Variants in VRK2 observed in about 807,000 individuals in gnomAD.
VRK2 encodes the protein serine/threonine-protein kinase VRK2.
A neutral mutation model predicts 57.6 loss-of-function variants in VRK2; 60 were observed. The observed-to-expected ratio is 1.04, with a 90% confidence interval of 0.85 to 1.29. The LOEUF (loss-of-function observed/expected upper bound fraction) is 1.29. VRK2 is among the 50% of genes most tolerant of loss of function. The probability of loss-of-function intolerance (pLI) is 0.00; values close to 1 mark genes in which losing one functional copy is unlikely to be tolerated. For missense variants in VRK2, 705 were observed against 588.1 expected, an observed-to-expected ratio of 1.20 and a Z score of -2.06; for synonymous variants, 231 against 199.2, an observed-to-expected ratio of 1.16 and a Z score of -1.35.
chr2:58,147,883 GTATAAC>G lies in VRK2; in HGVS notation c.1182+1414_1182+1419del, dbSNP rs1157747783. Among the ~76,000 whole-genome samples the G allele has an allele frequency of 2.7e-5, 4 of 145,794 alleles. No individual in the cohort carries two copies. The Admixed American group carries it at 2.8e-4, about 10-fold the overall frequency. ...TTCCATTGCTGAACAGCACTCCATT[GTATAAC>G]TATATCATAGTTCACATGTCCATTG... On this transcript the variant is annotated intron_variant, in intron 12 of 12. Transcript: ENST00000340157.
chr2:58,137,365 A>C (rs1225222062), intron 10 of VRK2, among the ~76,000 whole-genome samples: 1 of 151,264 alleles, frequency 6.6e-6, no homozygotes, highest in African/African-American at 2.4e-5. Context: ...TGAATTGTAC[A>C]AGACAAATGC....
intron 1 of VRK2, among the ~76,000 whole-genome samples, chr2:57,994,915 G>C (rs968144466): frequency 8.5e-5 from 13 of 152,176 alleles, no homozygotes; most frequent in African/African-American, 2.6e-4. Flanking sequence ...TTAATGTCTA[G>C]TTTAGTAAAG....
rs149613177 is a variant in VRK2, at chr2:57,981,996, G to A, written c.-438-43669G>A. Among the ~76,000 whole-genome samples, 259 of 152,300 alleles carry A rather than the reference G, an allele frequency of 1.7e-3. 1 individual carries two copies. Among genetic ancestry groups the A allele is most frequent in the African/African-American group, 6.0e-3 (248 of 41,568 alleles). On this transcript the variant is annotated intron_variant, in intron 1 of 15. Coordinates refer to the VRK2 transcript ENST00000417641. ...TTATCAGAGTTCTTGCACTGGTTCC[G>A]TCTCATCTGTGTGGGCTGATGTTCC... is the stretch of plus-strand genomic sequence containing the variant.
At chr2:58,009,229 T>G (rs1328490964) in intron 1 of VRK2, among the ~76,000 whole-genome samples, 1 of 152,054 alleles carries the variant, frequency 6.6e-6, no homozygotes, top group Non-Finnish European at 1.5e-5. Context: ...AATTCCATGA[T>G]TAGGAAAATA....
intron 7 of VRK2, among the ~76,000 whole-genome samples, chr2:58,089,991 T>C (rs894595307): frequency 2.0e-5 from 3 of 152,120 alleles, no homozygotes; most frequent in Non-Finnish European, 4.4e-5. Flanking sequence ...TCTGAGCAAA[T>C]ATAGATAAGC....
At chr2:58,064,032 G>T (rs1186520824) in intron 2 of VRK2, among the ~76,000 whole-genome samples, 2 of 152,194 alleles carry the variant, frequency 1.3e-5, no homozygotes, top group East Asian at 3.9e-4. Context: ...AGATGTGACT[G>T]AACTGCTCAA....
At chr2:58,014,844 G>C (rs186204667) in intron 1 of VRK2, among the ~76,000 whole-genome samples, 2 of 152,196 alleles carry the variant, frequency 1.3e-5, no homozygotes, top group African/African-American at 4.8e-5. Flanking sequence ...TGTAGGTGTA[G>C]ATCTGCAGTA....
intron 7 of VRK2, among the ~76,000 whole-genome samples, chr2:58,096,491 T>C (rs748775246): frequency 1.3e-5 from 2 of 152,032 alleles, no homozygotes; most frequent in African/African-American, 2.4e-5. Context: ...ATGTTATCTG[T>C]TTTTTCAATT....
chr2:58,016,017 A>C (rs1673570380), intron 1 of VRK2, among the ~76,000 whole-genome samples: 2 of 151,420 alleles, frequency 1.3e-5, no homozygotes, highest in Admixed American at 1.3e-4. Context: ...TTCTTTGATG[A>C]TTGGTTCTCT....
chr2:57,977,219 T>C (rs572125726), intron 1 of VRK2, among the ~76,000 whole-genome samples: 3 of 152,274 alleles, frequency 2.0e-5, no homozygotes, highest in Non-Finnish European at 2.9e-5. Flanking sequence ...TGTTTCCAAA[T>C]GAATTATAGA....
chr2:58,130,271 A>C (rs1034042450), intron 8 of VRK2, among the ~76,000 whole-genome samples: 4 of 152,182 alleles, frequency 2.6e-5, no homozygotes, highest in African/African-American at 9.7e-5. Context: ...AAGTGATGGT[A>C]ATCAGGAATT....
intron 3 of VRK2, chr2:58,040,977 T>C (rs1191636665): frequency 4.3e-6 from 4 of 925,326 alleles, no homozygotes; most frequent in Non-Finnish European, 3.9e-6. Context: ...TCTATTCTTA[T>C]TGAACATTCA....
intron 8 of VRK2, 32 bp from the exon 9 acceptor site, chr2:58,131,776 C>A (rs1679226845): frequency 6.4e-7 from 1 of 1,561,458 alleles, no homozygotes. Context: ...TTGCTTATCC[C>A]TTATCTTTCT....
At chr2:58,136,388 ATTT>A (rs34101779) in intron 10 of VRK2, among the ~76,000 whole-genome samples, 1 of 142,748 alleles carries the variant, frequency 7.0e-6, no homozygotes, top group Non-Finnish European at 1.5e-5. Flanking sequence ...TCTTAATGGC[ATTT>A]TTTTTTTTTT....
At chr2:57,984,434 A>G (rs1672530679) in intron 1 of VRK2, among the ~76,000 whole-genome samples, 1 of 152,170 alleles carries the variant, frequency 6.6e-6, no homozygotes, top group African/African-American at 2.4e-5. Context: ...AGAGTGGGAA[A>G]TATGTCAATA....
At chr2:57,911,091 GA>G (rs1401451837) in intron 1 of VRK2, among the ~76,000 whole-genome samples, 2 of 150,834 alleles carry the variant, frequency 1.3e-5, no homozygotes, top group Non-Finnish European at 3.0e-5. Flanking sequence ...AAATCTGCTT[GA>G]ATTTTCTACA....
chr2:58,049,058 T>C (rs1250615413), intron 2 of VRK2, 91 bp downstream of exon 2: 2 of 1,436,254 alleles, frequency 1.4e-6, no homozygotes, highest in Middle Eastern at 1.9e-4. Flanking sequence ...AAATATGGAA[T>C]TCATATGTGT....
chr2:58,136,957 GTA>G (rs929724086), intron 10 of VRK2, among the ~76,000 whole-genome samples: 32 of 127,856 alleles, frequency 2.5e-4, no homozygotes, highest in East Asian at 1.3e-3. Flanking sequence ...TCATATATGT[GTA>G]TATATATCAT....
intron 7 of VRK2, among the ~76,000 whole-genome samples, chr2:58,105,688 T>C (rs1674650137): frequency 6.6e-6 from 1 of 151,910 alleles, no homozygotes; most frequent in South Asian, 2.1e-4. Flanking sequence ...AATTTTGAAT[T>C]ACTCCTTGAA....
Sources: gnomAD v4.1 joint callset for allele counts (sites outside exome capture counted in the v4.1 genomes callset) on GRCh38, gnomAD v4.1.1 for gene constraint, MANE v1.5 for transcripts, NCBI Gene and HGNC (gene_info 2026-07-23, HGNC 2026-07-21) for gene names.